ZGPAT: variants seen among roughly 807,000 people sequenced by gnomAD.
ZGPAT encodes the protein zinc finger CCCH-type with G patch domain-containing protein.
A neutral mutation model predicts 47.9 loss-of-function variants in ZGPAT; 39 were observed. The observed-to-expected ratio is 0.81, with a 90% CI of 0.63 to 1.06. The LOEUF (loss-of-function observed/expected upper bound fraction) is 1.06, where lower values mean the gene tolerates loss of function less well. Ranked by LOEUF, ZGPAT falls within the 50% of genes least tolerant of loss-of-function variation. ZGPAT has a pLI of 0.00. For synonymous variants in ZGPAT, 348 were observed against 292.9 expected (o/e 1.19, Z -1.92); for missense variants, 717 against 681.4 (o/e 1.05, Z -0.58).
intron 2 of ZGPAT, among the ~76,000 whole-genome samples, chr20:63,710,944 G>C (rs2091660617): frequency 6.6e-6 from 1 of 151,634 alleles, no homozygotes; most frequent in Non-Finnish European, 1.5e-5. Context: ...AAGCCTTCTA[G>C]TAGGTAATTT....
chr20:63,710,095 C>T (rs2091648405), intron 2 of ZGPAT, among the ~76,000 whole-genome samples: 1 of 151,732 alleles, frequency 6.6e-6, no homozygotes, highest in African/African-American at 2.4e-5. Context: ...CTCCTGACCT[C>T]GTGATCCGCC....
At chr20:63,730,048 A>ACACACACACACACC (rs1555830236) in intron 2 of ZGPAT, 1 of 151,978 alleles carries the variant, frequency 6.6e-6, no homozygotes, top group East Asian at 1.9e-4. Flanking sequence ...ACACACACAC[A>ACACACACACACACC]AAATAATAGA....
rs570738490 is a variant in ZGPAT, at chr20:63,712,045, C to T, written c.584+2881C>T. ...GTGCAATTTATTGTTTCTTTATTGC[C>T]TATGTTTTTGTCATCAGGTTTAAGA... On this transcript the variant is annotated intron_variant, in intron 2 of 6. Coordinates refer to ENST00000355969, the MANE Select transcript of ZGPAT (RefSeq NM_181485.3). Among the ~76,000 whole-genome samples, 3 of 152,182 alleles carry T rather than the reference C, an allele frequency of 2.0e-5. No individual in the cohort carries two copies. In the South Asian group the frequency reaches 6.2e-4, roughly 32 times the overall value.
chr20:63,735,604 G>A, intron 6 of ZGPAT, 40 bp downstream of exon 6: 1 of 1,506,556 alleles, frequency 6.6e-7, no homozygotes, highest in Non-Finnish European at 8.9e-7. Flanking sequence ...GGCGACCCAG[G>A]GTGGCCCTGC....
At position 63,711,471 on chromosome 20, in the gene ZGPAT, G is replaced by A. The variant is rs181357257; in HGVS notation, c.584+2307G>A. ...TCCGGTTGCCCCCAGCCCTCGTTCCGTCCCCTGCTCCACCCAGTGCTGCTT... is the reference window on the plus strand; with the variant it reads ...TCCGGTTGCCCCCAGCCCTCGTTCCATCCCCTGCTCCACCCAGTGCTGCTT... On this transcript the variant is annotated intron_variant, in intron 2 of 6. Transcript: ENST00000355969. Among the ~76,000 whole-genome samples the A allele has an allele frequency of 3.7e-4, 56 of 152,274 alleles. No homozygotes were observed. The South Asian group carries it at 0.01, about 28-fold the overall frequency.
rs530126498 is a variant in ZGPAT at position 63,724,259 on chromosome 20, G to A, written c.585-8960G>A. Among the ~76,000 whole-genome samples the A allele has an allele frequency of 1.1e-4, 16 of 151,896 alleles. No individual in the cohort carries two copies. In the South Asian group the frequency reaches 2.1e-3, roughly 20 times the overall value. ...TGGGTGTCTGTAATCCCAGCTACTC[G>A]GGAGGCTGAGGCAAGAGAATCGCTT... On this transcript the variant is annotated intron_variant, in intron 2 of 6. Coordinates refer to ENST00000355969, the MANE Select transcript of ZGPAT (RefSeq NM_181485.3).
Position 63,708,654 on chromosome 20 carries a change from G to C in ZGPAT, c.74G>C (p.Gly25Ala). The change falls in exon 2 of 7, where the codon GGC becomes GCC. Residue 25 changes from glycine to alanine, a missense_variant. By Grantham distance (60) the Gly-to-Ala change is moderately conservative. Transcript: ENST00000355969. ...AQLQQVELAL[G>A]AGLDSSEQAD... is the part of the protein sequence containing the mutation. ...CTGCAGCAGGTGGAGCTGGCCTTGG[G>C]CGCCGGCCTGGATTCGTCTGAGCAG... 6.2e-7 allele frequency: 1 copy of C among 1,612,508 alleles called. No individual in the cohort carries two copies. The highest frequency in any genetic ancestry group is 8.5e-7 in the Non-Finnish European group (1 of 1,179,764).
At chr20:63,733,954 T>C in intron 4 of ZGPAT, 1 of 607,862 alleles carries the variant, frequency 1.6e-6, no homozygotes, top group Non-Finnish European at 2.8e-6. Context: ...ACAGTCTCAT[T>C]GATGGGAGGC....
At chr20:63,708,031 CG>C (rs2091583978), upstream of ZGPAT, 2 of 152,062 alleles carry the variant, frequency 1.3e-5, no homozygotes, top group Admixed American at 1.3e-4. Context: ...TGCCCCCGCG[CG>C]CCAAGCACTT....
chr20:63,721,767 G>C (rs2091790140), intron 2 of ZGPAT, among the ~76,000 whole-genome samples: 1 of 152,110 alleles, frequency 6.6e-6, no homozygotes, highest in Admixed American at 6.6e-5. Context: ...TGTTATCCCA[G>C]CACTTTGGGA....
intron 2 of ZGPAT, among the ~76,000 whole-genome samples, chr20:63,721,355 TAAAAAAAAAAAAAAAAAG>T (rs2091786022): frequency 8.9e-6 from 1 of 112,230 alleles, no homozygotes. Flanking sequence ...CTGTCTCAAA[TAAAAAAAAAAAAAAAAAG>T]GATAAAGAGT....
chr20:63,717,595 GAC>G (rs1299867614), intron 2 of ZGPAT, among the ~76,000 whole-genome samples: 1 of 143,862 alleles, frequency 7.0e-6, no homozygotes, highest in Non-Finnish European at 1.6e-5. Flanking sequence ...TGTTGTTTGA[GAC>G]ACAGTCTCAC....
At chr20:63,727,150 T>TA (rs2091853383) in intron 2 of ZGPAT, among the ~76,000 whole-genome samples, 1 of 152,116 alleles carries the variant, frequency 6.6e-6, no homozygotes, top group Admixed American at 6.5e-5. Context: ...CTTTACCTGT[T>TA]CATCCTGCCC....
intron 2 of ZGPAT, 82 bp from the exon 3 acceptor site, chr20:63,733,137 A>G (rs1355262528): frequency 6.4e-7 from 1 of 1,557,412 alleles, no homozygotes; most frequent in Non-Finnish European, 8.7e-7. Flanking sequence ...GACAGTGCCC[A>G]GGCGGATGGG....
chr20:63,719,306 A>G (rs1212809706), intron 2 of ZGPAT, among the ~76,000 whole-genome samples: 3 of 152,198 alleles, frequency 2.0e-5, no homozygotes, highest in African/African-American at 7.2e-5. Context: ...CATGTCTTTC[A>G]TTAAATTTGC....
chr20:63,722,166 T>G (rs1165857226), intron 2 of ZGPAT, among the ~76,000 whole-genome samples: 1 of 152,170 alleles, frequency 6.6e-6, no homozygotes, highest in African/African-American at 2.4e-5. Context: ...AGAAAAGGTC[T>G]GTATCATCCC....
intron 4 of ZGPAT, 145 bp downstream of exon 4, chr20:63,733,884 G>A (rs189474680): frequency 2.6e-5 from 28 of 1,077,294 alleles, no homozygotes; most frequent in Non-Finnish European, 3.3e-5. Context: ...TGAGGAGGCC[G>A]TGTGGGTAGG....
intron 3 of ZGPAT, 87 bp from the exon 4 acceptor site, chr20:63,733,495 TCTGCC>T: frequency 1.2e-6 from 2 of 1,609,140 alleles, no homozygotes; most frequent in Non-Finnish European, 1.7e-6. Context: ...ACCCTCAGCC[TCTGCC>T]CTGCCTTGCT....
At chr20:63,713,669 G>A (rs1169780719) in intron 2 of ZGPAT, among the ~76,000 whole-genome samples, 1 of 151,228 alleles carries the variant, frequency 6.6e-6, no homozygotes, top group Non-Finnish European at 1.5e-5. Context: ...TCAGGAGTTC[G>A]AGACCAGCCT....
Sources: gnomAD v4.1 joint callset for allele counts (sites outside exome capture counted in the v4.1 genomes callset) on GRCh38, gnomAD v4.1.1 for gene constraint, MANE v1.5 for transcripts, NCBI Gene and HGNC (gene_info 2026-07-23, HGNC 2026-07-21) for gene names.